Variants in BMPR1B observed in about 807,000 individuals in gnomAD.
BMPR1B encodes the protein bone morphogenetic protein receptor type 1B.
In BMPR1B, 12 loss-of-function variants were observed where a neutral mutation model predicts 59.1. The ratio of observed to expected loss-of-function variants is 0.20; its 90% CI spans 0.13 to 0.33. The LOEUF is 0.33. BMPR1B is among the 10% of genes least tolerant of loss of function. BMPR1B has a pLI of 1.00. For synonymous variants in BMPR1B, 237 were observed against 207.3 expected, an observed-to-expected ratio of 1.14 and a Z score of -1.23; for missense variants, 550 against 610.9, an observed-to-expected ratio of 0.90 and a Z score of 1.05.
chr4:95,026,158 C>CTTTCTTTCTTTCTTTCTCTT (rs1260196018), intron 3 of BMPR1B, among the ~76,000 whole-genome samples: 20 of 146,704 alleles, frequency 1.4e-4, no homozygotes, highest in African/African-American at 5.1e-4. Context: ...TTCTTTCTTT[C>CTTTCTTTCTTTCTTTCTCTT]TTTCTCTTTT....
At chr4:95,019,239 C>A (rs1056332222) in intron 3 of BMPR1B, among the ~76,000 whole-genome samples, 1 of 152,028 alleles carries the variant, frequency 6.6e-6, no homozygotes, top group Non-Finnish European at 1.5e-5. Context: ...TTAATTGTGC[C>A]CAGCGTCCTC....
At chr4:95,144,033 G>A (rs1734449109) in intron 10 of BMPR1B, among the ~76,000 whole-genome samples, 1 of 150,868 alleles carries the variant, frequency 6.6e-6, no homozygotes, top group Non-Finnish European at 1.5e-5. Flanking sequence ...ACAGGGCTTA[G>A]TATCTTATGA....
intron 1 of BMPR1B, among the ~76,000 whole-genome samples, chr4:94,815,691 A>G (rs1271491393): frequency 6.6e-6 from 1 of 152,176 alleles, no homozygotes; most frequent in Non-Finnish European, 1.5e-5. Context: ...AGTTACTTTT[A>G]CCTACTCTAA....
rs564574061 is a variant in BMPR1B, at chr4:94,760,611, C to T, written c.-183+2543C>T. ...AGAGCCTTCCTGATTTTCAGAAGCC[C>T]CCTCACCACTGCCTCTGCCTCTCAG... On this transcript the variant is annotated intron_variant, in intron 1 of 12. Transcript: ENST00000515059. Among the ~76,000 whole-genome samples, 16 of 152,304 alleles carry T rather than the reference C, an allele frequency of 1.1e-4. No homozygotes were observed. The East Asian group carries it at 2.9e-3, about 28-fold the overall frequency.
intron 1 of BMPR1B, among the ~76,000 whole-genome samples, chr4:94,796,268 G>T (rs929405557): frequency 6.6e-6 from 1 of 152,230 alleles, no homozygotes; most frequent in East Asian, 1.9e-4. Context: ...CCCGGCCTAG[G>T]TTTACATAAC....
rs556698545 is a variant in BMPR1B at position 94,827,563 on chromosome 4, TAGAG to T, written c.-182-48265_-182-48262del. Among the ~76,000 whole-genome samples the T allele has an allele frequency of 5.8e-4, 89 of 152,278 alleles. 1 individual carries two copies. The South Asian group carries it at 9.5e-3, about 16-fold the overall frequency. On this transcript the variant is annotated intron_variant, in intron 1 of 12. Coordinates refer to ENST00000515059, the MANE Select transcript of BMPR1B (RefSeq NM_001203.3). ...GTGAGCAGACAAAAATGTCTTTCCT[TAGAG>T]AGCTTACTTTAAAAAATTCTATTAA...
chr4:95,118,771 G>A (rs1036246170), intron 6 of BMPR1B, among the ~76,000 whole-genome samples: 5 of 152,164 alleles, frequency 3.3e-5, no homozygotes, highest in Admixed American at 6.5e-5. Context: ...GGTAATGGCA[G>A]ATTAAAACAT....
chr4:94,814,206 A>G (rs1448336374), intron 1 of BMPR1B, among the ~76,000 whole-genome samples: 1 of 152,214 alleles, frequency 6.6e-6, no homozygotes, highest in Non-Finnish European at 1.5e-5. Flanking sequence ...GTGTTTCTCT[A>G]TGACCACTTT....
At chr4:94,799,343 G>A (rs1449478729) in intron 1 of BMPR1B, among the ~76,000 whole-genome samples, 5 of 148,144 alleles carry the variant, frequency 3.4e-5, no homozygotes, top group African/African-American at 5.0e-5. Flanking sequence ...TTGCTGTGTC[G>A]CCCAGTCTGC....
At chr4:95,096,020 T>G (rs1730346973) in intron 3 of BMPR1B, among the ~76,000 whole-genome samples, 1 of 139,626 alleles carries the variant, frequency 7.2e-6, no homozygotes. Context: ...GTATGAAATT[T>G]TTTTTACATT....
intron 3 of BMPR1B, among the ~76,000 whole-genome samples, chr4:95,035,682 G>A (rs1211826802): frequency 2.0e-5 from 3 of 152,146 alleles, no homozygotes; most frequent in African/African-American, 7.2e-5. Context: ...GGTAACTGTA[G>A]CTTTGCAGTA....
rs1292787608 is a variant in BMPR1B at position 95,086,086 on chromosome 4, A to T, written c.-17-18322A>T. 8.5e-5 allele frequency among the ~76,000 whole-genome samples: 13 copies of T among 152,160 alleles called. 1 individual carries two copies. Among genetic ancestry groups the T allele is most frequent in the Non-Finnish European group, 1.9e-4 (13 of 68,030 alleles). On this transcript the variant is annotated intron_variant, in intron 3 of 12. Coordinates refer to ENST00000515059, the MANE Select transcript of BMPR1B (RefSeq NM_001203.3). Reference sequence around the variant, plus strand: ...ATGTTTGACAGTTAATTTTAAAGGTATAAACTGATATGATTATTCTGGATC... The same window carrying T: ...ATGTTTGACAGTTAATTTTAAAGGTTTAAACTGATATGATTATTCTGGATC...
chr4:94,929,588 T>G (rs1220190635), intron 2 of BMPR1B, among the ~76,000 whole-genome samples: 1 of 152,112 alleles, frequency 6.6e-6, no homozygotes. Flanking sequence ...TTTGGTTCCT[T>G]TGCAAGTTTC....
chr4:94,786,242 A>G (rs1268636366), intron 1 of BMPR1B, among the ~76,000 whole-genome samples: 1 of 152,196 alleles, frequency 6.6e-6, no homozygotes, highest in Non-Finnish European at 1.5e-5. Context: ...GTGATTTGGA[A>G]TTACATGTTC....
At chr4:94,852,377 AT>A (rs1310602537) in intron 1 of BMPR1B, among the ~76,000 whole-genome samples, 62 of 152,264 alleles carry the variant, frequency 4.1e-4, no homozygotes, top group African/African-American at 1.4e-3. Context: ...ACTATGTCTA[AT>A]TTTGAGGAAT....
chr4:94,841,916 G>T (rs1331197218), intron 1 of BMPR1B, among the ~76,000 whole-genome samples: 2 of 152,072 alleles, frequency 1.3e-5, no homozygotes, highest in Non-Finnish European at 2.9e-5. Flanking sequence ...CTTCCTTAGG[G>T]AGCTACTTAA....
chr4:95,040,609 A>G (rs1725579596), intron 3 of BMPR1B, among the ~76,000 whole-genome samples: 1 of 152,198 alleles, frequency 6.6e-6, no homozygotes, highest in African/African-American at 2.4e-5. Context: ...TTTCAAATAG[A>G]GCTTCTGGCA....
intron 1 of BMPR1B, among the ~76,000 whole-genome samples, chr4:94,873,944 G>A (rs191716776): frequency 6.6e-6 from 1 of 152,094 alleles, no homozygotes; most frequent in Non-Finnish European, 1.5e-5. Context: ...CACGTCCCTG[G>A]CAGCCACCAT....
chr4:94,988,669 C>T (rs2149095500), intron 2 of BMPR1B, among the ~76,000 whole-genome samples: 2 of 152,220 alleles, frequency 1.3e-5, no homozygotes, highest in East Asian at 1.9e-4. Context: ...ACTTCTCATA[C>T]TAATAATGGG....
Sources: allele counts gnomAD v4.1 joint callset (sites outside exome capture counted in the v4.1 genomes callset), GRCh38; gene constraint gnomAD v4.1.1; transcripts MANE v1.5; gene names NCBI Gene and HGNC (gene_info 2026-07-23, HGNC 2026-07-21).